Variants in MNAT1 observed in about 807,000 individuals in gnomAD.
MNAT1 encodes the protein CDK-activating kinase assembly factor MAT1.
A neutral mutation model predicts 42.0 loss-of-function variants in MNAT1; 43 were observed. That is an observed-to-expected ratio of 1.02 (90% CI 0.80 to 1.32). The LOEUF (loss-of-function observed/expected upper bound fraction) is 1.32. MNAT1 is among the 40% of genes most tolerant of loss of function. The pLI is 0.00. For synonymous variants in MNAT1, 118 were observed against 120.0 expected (o/e 0.98, Z 0.11); for missense variants, 306 against 350.4 (o/e 0.87, Z 1.01).
chr14:60,780,056 G>A (rs764662408), intron 1 of MNAT1: 33 of 1,489,942 alleles, frequency 2.2e-5, no homozygotes, highest in Non-Finnish European at 3.1e-5. Context: ...CTTCTCATTC[G>A]GCATCAACAG....
chr14:60,902,237 A>G (rs1233333168), intron 7 of MNAT1, among the ~76,000 whole-genome samples: 1 of 152,146 alleles, frequency 6.6e-6, no homozygotes. Context: ...TAATCTATTT[A>G]TTTGGGATTT....
intron 6 of MNAT1, among the ~76,000 whole-genome samples, chr14:60,837,019 T>C (rs2033409669): frequency 6.6e-6 from 1 of 152,200 alleles, no homozygotes; most frequent in South Asian, 2.1e-4. Context: ...TTGTTTACAC[T>C]GTGAGGGGAA....
intron 1 of MNAT1, among the ~76,000 whole-genome samples, chr14:60,772,743 A>G (rs891688304): frequency 1.4e-4 from 22 of 152,130 alleles, no homozygotes; most frequent in Non-Finnish European, 2.4e-4. Flanking sequence ...TACGTCTAAA[A>G]GTAAAAAGCT....
chr14:60,966,400 G>A (rs889281096), intron 7 of MNAT1, among the ~76,000 whole-genome samples: 1 of 152,144 alleles, frequency 6.6e-6, no homozygotes, highest in Admixed American at 6.5e-5. Flanking sequence ...GCTCACAGGT[G>A]TGCGCCACCA....
At chr14:60,901,929 A>C (rs1420915657) in intron 7 of MNAT1, among the ~76,000 whole-genome samples, 2 of 152,242 alleles carry the variant, frequency 1.3e-5, no homozygotes, top group Non-Finnish European at 2.9e-5. Flanking sequence ...GAGCTGATAA[A>C]GCAGTGATAG....
intron 7 of MNAT1, chr14:60,880,038 G>A: frequency 2.8e-6 from 1 of 355,512 alleles, no homozygotes; most frequent in East Asian, 4.7e-5. Context: ...ATTGAGCCTG[G>A]AATACATTCG....
At chr14:60,747,488 A>G (rs2029886022) in intron 1 of MNAT1, among the ~76,000 whole-genome samples, 1 of 152,192 alleles carries the variant, frequency 6.6e-6, no homozygotes, top group East Asian at 1.9e-4. Flanking sequence ...GCTGTAACAC[A>G]ATGGTAAGTT....
chr14:60,904,021 G>A (rs1487833020), intron 7 of MNAT1, among the ~76,000 whole-genome samples: 1 of 151,976 alleles, frequency 6.6e-6, no homozygotes, highest in Admixed American at 6.6e-5. Flanking sequence ...GCAGGCACCC[G>A]CCACCACATC....
In MNAT1 at chr14:60,747,968, C is replaced by T. The variant is rs543717461; in HGVS notation, c.89+13017C>T. Among the ~76,000 whole-genome samples the T allele has an allele frequency of 2.6e-4, 39 of 152,078 alleles. No homozygotes were observed. The East Asian group carries it at 6.8e-3, about 26-fold the overall frequency. On this transcript the variant is annotated intron_variant, in intron 1 of 7. Transcript: ENST00000261245. ...TCCTAGCACTATGGGAGGCCGAGGT[C>T]GGCGGATCATGAGGTCAGGAGATCG...
Position 60,791,608 on chromosome 14 carries a change from A to G in MNAT1, c.90-4609A>G, listed in dbSNP as rs144832423. On this transcript the variant is annotated intron_variant, in intron 1 of 7. Coordinates refer to ENST00000261245, the MANE Select transcript of MNAT1 (RefSeq NM_002431.4). ...ACATAAGTAAATGTAACACATTCCT[A>G]TTTTAGTTGCTGAGATAAATGAGAA... is the stretch of plus-strand genomic sequence containing the variant. 8.3e-4 allele frequency among the ~76,000 whole-genome samples: 126 copies of G among 152,296 alleles called. 1 individual carries two copies. Among genetic ancestry groups the G allele is most frequent in the Middle Eastern group, 3.4e-3 (1 of 294 alleles).
intron 1 of MNAT1, among the ~76,000 whole-genome samples, chr14:60,748,969 C>T (rs908173457): frequency 2.6e-5 from 4 of 152,136 alleles, no homozygotes; most frequent in African/African-American, 4.8e-5. Flanking sequence ...AGTATCACCA[C>T]AAACAGGTGA....
chr14:60,857,924 A>G (rs888836501), intron 6 of MNAT1, among the ~76,000 whole-genome samples: 3 of 152,154 alleles, frequency 2.0e-5, no homozygotes, highest in Non-Finnish European at 4.4e-5. Context: ...TTATGGCTGC[A>G]TAGTATTCCA....
chr14:60,929,514 A>G (rs2035841750), intron 7 of MNAT1, among the ~76,000 whole-genome samples: 1 of 152,072 alleles, frequency 6.6e-6, no homozygotes, highest in African/African-American at 2.4e-5. Flanking sequence ...GAGATACCCA[A>G]TGGTCCCAGT....
chr14:60,769,184 G>A (rs1490302303), intron 1 of MNAT1, among the ~76,000 whole-genome samples: 1 of 151,824 alleles, frequency 6.6e-6, no homozygotes. Context: ...TTCATAGATT[G>A]GCCAGATATT....
intron 1 of MNAT1, among the ~76,000 whole-genome samples, chr14:60,761,719 G>T (rs1179499514): frequency 2.6e-5 from 4 of 152,060 alleles, no homozygotes; most frequent in African/African-American, 9.7e-5. Context: ...AAATATTTGG[G>T]TAAGACTATG....
intron 7 of MNAT1, among the ~76,000 whole-genome samples, chr14:60,911,206 C>A (rs980028369): frequency 1.3e-5 from 2 of 151,928 alleles, no homozygotes; most frequent in Non-Finnish European, 2.9e-5. Context: ...CTATTTGATT[C>A]TTCTCTCTTT....
At chr14:60,907,749 T>G (rs1279267103) in intron 7 of MNAT1, among the ~76,000 whole-genome samples, 1 of 118,250 alleles carries the variant, frequency 8.5e-6, no homozygotes, top group Admixed American at 1.2e-4. Flanking sequence ...GCCATTGCAC[T>G]CCAGCCTGGA....
intron 6 of MNAT1, among the ~76,000 whole-genome samples, chr14:60,848,007 T>C (rs1297379716): frequency 1.3e-5 from 2 of 152,210 alleles, no homozygotes; most frequent in African/African-American, 4.8e-5. Context: ...TAGATTTGTC[T>C]ATGTAATTAC....
intron 6 of MNAT1, among the ~76,000 whole-genome samples, chr14:60,823,703 A>G (rs2032971729): frequency 6.6e-6 from 1 of 152,080 alleles, no homozygotes; most frequent in South Asian, 2.1e-4. Flanking sequence ...TACTAAAAAT[A>G]CAAACATTAG....
Sources: gnomAD v4.1 joint callset for allele counts (sites outside exome capture counted in the v4.1 genomes callset) on GRCh38, gnomAD v4.1.1 for gene constraint, MANE v1.5 for transcripts, NCBI Gene and HGNC (gene_info 2026-07-23, HGNC 2026-07-21) for gene names.